Variants in CSMD1 observed in about 807,000 individuals in gnomAD.
CSMD1 encodes the protein CUB and sushi domain-containing protein 1.
Under a neutral mutation model 417.5 loss-of-function variants are expected in CSMD1, and 213 were observed. That is an observed-to-expected ratio of 0.51 (90% CI 0.46 to 0.57). The LOEUF (loss-of-function observed/expected upper bound fraction) is 0.57. Ranked by LOEUF, CSMD1 falls within the 20% of genes least tolerant of loss-of-function variation. The pLI is 0.00. For synonymous variants in CSMD1, 2,862 were observed against 1,736.8 expected (o/e 1.65, Z -16.11); for missense variants, 6,923 against 4,529.7 (o/e 1.53, Z -15.17).
At chr8:4,213,882 T>C (rs1187772491) in intron 3 of CSMD1, among the ~76,000 whole-genome samples, 1 of 152,094 alleles carries the variant, frequency 6.6e-6, no homozygotes, top group Admixed American at 6.6e-5. Context: ...GAAGGTGAGG[T>C]CCTACAGATA....
intron 1 of CSMD1, among the ~76,000 whole-genome samples, chr8:4,910,350 T>C (rs939496554): frequency 1.3e-5 from 2 of 152,316 alleles, no homozygotes; most frequent in South Asian, 2.1e-4. Context: ...TCTTAGTCAA[T>C]TTTGGCTGCT....
intron 9 of CSMD1, among the ~76,000 whole-genome samples, chr8:3,580,691 A>C (rs2116970735): frequency 6.6e-6 from 1 of 152,338 alleles, no homozygotes; most frequent in African/African-American, 2.4e-5. Context: ...ACAGGAATTA[A>C]AAATTAACCG....
chr8:4,468,082 C>G (rs1563207711), intron 2 of CSMD1, among the ~76,000 whole-genome samples: 1 of 152,192 alleles, frequency 6.6e-6, no homozygotes, highest in Non-Finnish European at 1.5e-5. Flanking sequence ...TGAAATTGAT[C>G]TGCACTGTTC....
intron 49 of CSMD1, among the ~76,000 whole-genome samples, chr8:3,063,225 T>C (rs1330651576): frequency 6.6e-6 from 1 of 152,200 alleles, no homozygotes; most frequent in African/African-American, 2.4e-5. Context: ...CATACTCTGG[T>C]AAACTAGTCA....
At chr8:4,907,442 C>G (rs368788340) in intron 1 of CSMD1, among the ~76,000 whole-genome samples, 1 of 152,156 alleles carries the variant, frequency 6.6e-6, no homozygotes, top group East Asian at 1.9e-4. Flanking sequence ...CATAAATATC[C>G]TAAACCTCAG....
intron 7 of CSMD1, among the ~76,000 whole-genome samples, chr8:3,656,070 C>T (rs925914050): frequency 1.3e-5 from 2 of 152,120 alleles, no homozygotes; most frequent in African/African-American, 4.8e-5. Flanking sequence ...TCAAATAATG[C>T]CCAGCACCCC....
intron 54 of CSMD1, among the ~76,000 whole-genome samples, chr8:2,991,405 G>A (rs1013846098): frequency 6.6e-6 from 1 of 151,966 alleles, no homozygotes; most frequent in Non-Finnish European, 1.5e-5. Flanking sequence ...TGAGTTAAAT[G>A]GAAATAATAA....
chr8:3,605,614 G>A (rs898422693), intron 8 of CSMD1, among the ~76,000 whole-genome samples: 21 of 151,900 alleles, frequency 1.4e-4, no homozygotes, highest in African/African-American at 2.2e-4. Flanking sequence ...TTCTCCTTCC[G>A]TTTGATGACA....
At chr8:3,270,081 G>A (rs1348089584) in intron 26 of CSMD1, among the ~76,000 whole-genome samples, 1 of 119,044 alleles carries the variant, frequency 8.4e-6, no homozygotes, top group East Asian at 2.3e-4. Flanking sequence ...ATGGAGTCTT[G>A]CTCTGTTGCC....
intron 5 of CSMD1, among the ~76,000 whole-genome samples, chr8:3,814,104 A>C (rs1459978953): frequency 6.6e-6 from 1 of 152,220 alleles, no homozygotes; most frequent in Non-Finnish European, 1.5e-5. Context: ...GCTTGAGATC[A>C]GAACCCATGT....
At chr8:3,204,975 T>C (rs974372358) in intron 31 of CSMD1, among the ~76,000 whole-genome samples, 2 of 152,114 alleles carry the variant, frequency 1.3e-5, no homozygotes, top group Admixed American at 1.3e-4. Flanking sequence ...TAGCTGGAAT[T>C]GGAAGCAATG....
chr8:3,321,052 G>C, intron 23 of CSMD1, among the ~76,000 whole-genome samples: 1 of 152,170 alleles, frequency 6.6e-6, no homozygotes, highest in South Asian at 2.1e-4. Flanking sequence ...TGAAAGACAC[G>C]CAACTCTCAA....
chr8:4,887,534 T>C (rs1345066664), intron 1 of CSMD1, among the ~76,000 whole-genome samples: 2 of 152,024 alleles, frequency 1.3e-5, no homozygotes, highest in African/African-American at 4.8e-5. Context: ...ATTTTTTACA[T>C]AGTTTTTTAT....
intron 1 of CSMD1, among the ~76,000 whole-genome samples, chr8:4,743,874 G>T (rs770472014): frequency 6.6e-6 from 1 of 152,124 alleles, no homozygotes; most frequent in Non-Finnish European, 1.5e-5. Flanking sequence ...TCCCACTCAA[G>T]TTCTAGTTGC....
chr8:4,039,300 A>G (rs1797769840), intron 3 of CSMD1, among the ~76,000 whole-genome samples: 1 of 152,162 alleles, frequency 6.6e-6, no homozygotes, highest in African/African-American at 2.4e-5. Flanking sequence ...TGTACTTTCT[A>G]TGTAAACCAA....
chr8:3,708,755 C>G (rs1230366125), intron 6 of CSMD1, among the ~76,000 whole-genome samples: 1 of 152,196 alleles, frequency 6.6e-6, no homozygotes, highest in Non-Finnish European at 1.5e-5. Flanking sequence ...TTTACACATC[C>G]AATCCTATTT....
chr8:4,902,948 T>C, intron 1 of CSMD1, among the ~76,000 whole-genome samples: 1 of 148,576 alleles, frequency 6.7e-6, no homozygotes, highest in East Asian at 2.0e-4. Flanking sequence ...TCATTTTATA[T>C]ATAATAATAA....
chr8:3,369,216 A>G (rs780520823), intron 19 of CSMD1, 38 bp downstream of exon 19: 2 of 987,360 alleles, frequency 2.0e-6, no homozygotes, highest in South Asian at 2.8e-5. Flanking sequence ...TGTCTCATTT[A>G]TTAGTCTGTA....
At chr8:3,915,233 C>T (rs539040271) in intron 5 of CSMD1, among the ~76,000 whole-genome samples, 1 of 152,000 alleles carries the variant, frequency 6.6e-6, no homozygotes, top group South Asian at 2.1e-4. Context: ...TCACGAAACT[C>T]TGCCTCTACC....
Sources: allele counts gnomAD v4.1 joint callset (sites outside exome capture counted in the v4.1 genomes callset), GRCh38; gene constraint gnomAD v4.1.1; transcripts MANE v1.5; gene names NCBI Gene and HGNC (gene_info 2026-07-23, HGNC 2026-07-21).